MEDAG: variants seen among roughly 807,000 people sequenced by gnomAD.
The protein encoded by MEDAG is mesenteric estrogen dependent adipogenesis, also known as mesenteric estrogen-dependent adipogenesis protein.
A neutral mutation model predicts 29.9 loss-of-function variants in MEDAG; 25 were observed. The observed-to-expected ratio is 0.84, with a 90% CI of 0.61 to 1.17. The LOEUF is 1.17. Ranked by LOEUF, MEDAG falls within the 50% of genes most tolerant of loss-of-function variation. MEDAG has a pLI of 0.00. For synonymous variants in MEDAG, 158 were observed against 148.2 expected (o/e 1.07, Z -0.48); for missense variants, 398 against 372.9 (o/e 1.07, Z -0.56).
At chr13:30,913,638 A>G (rs761657663) in intron 1 of MEDAG, among the ~76,000 whole-genome samples, 2 of 152,180 alleles carry the variant, frequency 1.3e-5, no homozygotes, top group Non-Finnish European at 2.9e-5. Flanking sequence ...TTTTAAAGAA[A>G]CTGTCTATCT....
At chr13:30,912,324 C>T (rs1047779378) in intron 1 of MEDAG, among the ~76,000 whole-genome samples, 1 of 152,188 alleles carries the variant, frequency 6.6e-6, no homozygotes. Context: ...ATCAAGCTAA[C>T]ACTGGAAAGT....
At chr13:30,917,364 G>A (rs756542455) in intron 1 of MEDAG, 39 bp from the exon 2 acceptor site, 5 of 1,173,804 alleles carry the variant, frequency 4.3e-6, no homozygotes, top group Non-Finnish European at 5.1e-6. Context: ...TTAGATGAAA[G>A]GGTACGTTAC....
Position 30,906,702 on chromosome 13 carries a change from CCGG to C in MEDAG, c.196_198del (p.Ala66del). On this transcript the variant is annotated inframe_deletion, in exon 1 of 5. Transcript: ENST00000380482. ...GCTCGTGGTGGCCAGGCCCGGGGAGCCGGCGGCGGCGCGGGGGGGCTTCAACGT... is the reference window on the plus strand; with the variant it reads ...GCTCGTGGTGGCCAGGCCCGGGGAGCCGGCGGCGCGGGGGGGCTTCAACGT... 6.6e-7 allele frequency: 1 copy of C among 1,520,576 alleles called. No individual in the cohort carries two copies. The highest frequency in any genetic ancestry group is 8.7e-7 in the Non-Finnish European group (1 of 1,143,152). 94.2% of individuals were successfully genotyped at this position (1,520,576 alleles called of 1,614,324 possible).
chr13:30,910,886 C>T (rs563928010), intron 1 of MEDAG, among the ~76,000 whole-genome samples: 1 of 152,194 alleles, frequency 6.6e-6, no homozygotes, highest in Admixed American at 6.5e-5. Context: ...TGGCCCAGGC[C>T]CAGTTCTCAG....
In MEDAG at chr13:30,924,761, A is replaced by G. The variant is rs1411833934; in HGVS notation, c.*326A>G. ...GCCACAGAGTTCTGCCACCCTGAAC[A>G]TTTTTCTCAGTTCCCTGGGAGTTTT... is the stretch of plus-strand genomic sequence containing the variant. On this transcript the variant is annotated 3_prime_UTR_variant, in exon 5 of 5. Transcript: ENST00000380482. The G allele has an allele frequency of 1.6e-5, 3 of 188,582 alleles. No individual in the cohort carries two copies. Among genetic ancestry groups the G allele is most frequent in the East Asian group, 2.6e-4 (2 of 7,668 alleles). The allele number at this position is 188,582 out of a possible 1,614,324, so 11.7% of individuals were successfully genotyped here. A position where few individuals can be genotyped will look rare whatever the true frequency, so the allele number is the denominator to read the frequency against.
Position 30,906,438 on chromosome 13 carries a change from C to G in MEDAG, c.-78C>G. ...GACGCAGGCAGGGCGCCCGGCCCCTCCTGGGGACCATCAGGTGCCGGCTGG... is the reference window on the plus strand; with the variant it reads ...GACGCAGGCAGGGCGCCCGGCCCCTGCTGGGGACCATCAGGTGCCGGCTGG... On this transcript the variant is annotated 5_prime_UTR_variant, in exon 1 of 5. Transcript: ENST00000380482. 7.3e-7 allele frequency: 1 copy of G among 1,372,052 alleles called. No homozygotes were observed. The highest frequency in any genetic ancestry group is 9.4e-7 in the Non-Finnish European group (1 of 1,061,852). 85.0% of individuals were successfully genotyped at this position (1,372,052 alleles called of 1,614,324 possible).
chr13:30,906,342 C>A lies in MEDAG; in HGVS notation c.-174C>A. On this transcript the variant is annotated 5_prime_UTR_variant, in exon 1 of 5. In the 5' UTR this introduces an upstream ATG that the reference lacks. Coordinates refer to ENST00000380482, the MANE Select transcript of MEDAG (RefSeq NM_032849.4). ...GGGAGGGGCCGCCCGGGCGGTCAGA[C>A]TGGCACCTGAGCGGCCACCGCGTCC... The A allele has an allele frequency of 1.7e-6, 1 of 586,902 alleles. No homozygotes were observed. Among genetic ancestry groups the A allele is most frequent in the Non-Finnish European group, 2.6e-6 (1 of 388,314 alleles). The allele number at this position is 586,902 out of a possible 1,614,324, so 36.4% of individuals were successfully genotyped here. A position where few individuals can be genotyped will look rare whatever the true frequency, so the allele number is the denominator to read the frequency against.
intron 2 of MEDAG, among the ~76,000 whole-genome samples, chr13:30,920,020 G>A (rs367655595): frequency 1.3e-5 from 2 of 152,172 alleles, no homozygotes; most frequent in Non-Finnish European, 2.9e-5. Context: ...GGACAGACAC[G>A]TGGTATTATT....
chr13:30,913,774 C>G (rs988291297), intron 1 of MEDAG, among the ~76,000 whole-genome samples: 12 of 152,248 alleles, frequency 7.9e-5, no homozygotes, highest in African/African-American at 2.9e-4. Context: ...GGTGTGATGG[C>G]TCACACCTGT....
At chr13:30,919,127 T>C (rs2138125089) in intron 2 of MEDAG, among the ~76,000 whole-genome samples, 1 of 152,316 alleles carries the variant, frequency 6.6e-6, no homozygotes, top group South Asian at 2.1e-4. Flanking sequence ...AGTCATGCTA[T>C]AATGTGATGA....
chr13:30,919,140 T>G (rs1269016892), intron 2 of MEDAG, among the ~76,000 whole-genome samples: 2 of 152,070 alleles, frequency 1.3e-5, no homozygotes, highest in Non-Finnish European at 2.9e-5. Context: ...TGTGATGAAT[T>G]GCCACAACAG....
At chr13:30,918,914 G>T (rs1278400855) in intron 2 of MEDAG, among the ~76,000 whole-genome samples, 1 of 152,170 alleles carries the variant, frequency 6.6e-6, no homozygotes, top group African/African-American at 2.4e-5. Context: ...AAGCCAGATA[G>T]TTCTTTAGGA....
chr13:30,918,612 G>A (rs1418419563), intron 2 of MEDAG, among the ~76,000 whole-genome samples: 1 of 152,158 alleles, frequency 6.6e-6, no homozygotes, highest in East Asian at 1.9e-4. Context: ...AATGATATGT[G>A]GGGGAAGTCA....
intron 1 of MEDAG, chr13:30,916,875 G>A (rs1952934234): frequency 6.5e-6 from 1 of 153,432 alleles, no homozygotes; most frequent in Non-Finnish European, 1.4e-5. Context: ...CACAAGTTCA[G>A]CGTAGGAGAG....
intron 1 of MEDAG, among the ~76,000 whole-genome samples, chr13:30,910,313 A>G (rs1157205594): frequency 6.6e-6 from 1 of 152,198 alleles, no homozygotes; most frequent in Non-Finnish European, 1.5e-5. Context: ...CTCCCCTAGC[A>G]TGAAAGAGGC....
At chr13:30,924,202 T>A (rs1953017589) in intron 4 of MEDAG, 109 bp from the exon 5 acceptor site, 1 of 1,165,876 alleles carries the variant, frequency 8.6e-7, no homozygotes, top group Non-Finnish European at 1.2e-6. Flanking sequence ...GAAGCCAGGA[T>A]TCTCTATTAA....
At chr13:30,910,111 G>A (rs1422829730) in intron 1 of MEDAG, among the ~76,000 whole-genome samples, 1 of 151,970 alleles carries the variant, frequency 6.6e-6, no homozygotes, top group African/African-American at 2.4e-5. Flanking sequence ...CTCAGGACAC[G>A]AGATGTGGGT....
In MEDAG at chr13:30,924,497, G is replaced by C. The variant is rs1049574360; in HGVS notation, c.*62G>C. 7.4e-5 allele frequency: 113 copies of C among 1,526,398 alleles called. 1 individual carries two copies. Among genetic ancestry groups the C allele is most frequent in the Middle Eastern group, 5.2e-4 (3 of 5,744 alleles). 94.6% of individuals were successfully genotyped at this position (1,526,398 alleles called of 1,614,324 possible). A position where few individuals can be genotyped will look rare whatever the true frequency, so the allele number is the denominator to read the frequency against. On this transcript the variant is annotated 3_prime_UTR_variant, in exon 5 of 5. Coordinates refer to ENST00000380482, the MANE Select transcript of MEDAG (RefSeq NM_032849.4). ...AGGCCTGTGCTAGACTATAGGCTGG[G>C]GGGAGGGTAGGAGGTGGGAGGCAGA...
At chr13:30,917,266 G>T (rs921188886) in intron 1 of MEDAG, 137 bp from the exon 2 acceptor site, 1 of 672,810 alleles carries the variant, frequency 1.5e-6, no homozygotes, top group Admixed American at 2.7e-5. Flanking sequence ...CGTTTATATG[G>T]TGACCTCTGT....
Sources: gnomAD v4.1 joint callset for allele counts (sites outside exome capture counted in the v4.1 genomes callset) on GRCh38, gnomAD v4.1.1 for gene constraint, MANE v1.5 for transcripts, NCBI Gene and HGNC (gene_info 2026-07-23, HGNC 2026-07-21) for gene names.